The following P3H3 variants were observed in gnomAD, a reference collection of about 807,000 sequenced individuals.
The protein encoded by P3H3 is gene rich cluster, B.
P3H3 carries 64 observed loss-of-function variants against 78.1 expected under a neutral mutation model. That is an observed-to-expected ratio of 0.82 (90% CI 0.67 to 1.01). The LOEUF (loss-of-function observed/expected upper bound fraction) is 1.01, where lower values mean the gene tolerates loss of function less well. Ranked by LOEUF, P3H3 falls within the 50% of genes least tolerant of loss-of-function variation. P3H3 has a pLI of 0.00. For synonymous variants in P3H3, 425 were observed against 416.7 expected, an observed-to-expected ratio of 1.02 and a Z score of -0.24; for missense variants, 975 against 982.2, an observed-to-expected ratio of 0.99 and a Z score of 0.10.
chr12:6,828,817 C>G lies in P3H3; in HGVS notation c.377C>G (p.Thr126Ser), dbSNP rs1206837474. The stretch of plus-strand genomic sequence containing the variant: ...GCGCTCCGCCGCGCAGACTGCCTGA[C>G]CCAGTGCGCAGCACGGAGGCTGGGC... ...RAALRRADCL[T>S]QCAARRLGPG... Residue 126 changes from threonine to serine, a missense_variant, in exon 1 of 15, where the codon ACC (threonine) becomes AGC (serine). Transcript: ENST00000290510. 8 of 1,238,216 alleles carry G rather than the reference C, an allele frequency of 6.5e-6. No homozygotes were observed. The highest frequency in any genetic ancestry group is 8.1e-6 in the Non-Finnish European group (8 of 990,752). 76.7% of individuals were successfully genotyped at this position (1,238,216 alleles called of 1,614,324 possible). A position where few individuals can be genotyped will look rare whatever the true frequency, so the allele number is the denominator to read the frequency against.
At position 6,837,490 on chromosome 12, in the gene P3H3, G is replaced by C. The variant is rs11614219; in HGVS notation, c.1628G>C (p.Arg543Pro). Residue 543 changes from arginine (R) to proline (P), a missense_variant, in exon 11 of 15, where the codon CGG (arginine) becomes CCG (proline). Arg to Pro is a moderately radical substitution (Grantham distance 103). Coordinates refer to ENST00000290510, the MANE Select transcript of P3H3 (RefSeq NM_014262.5). Reference protein sequence around the residue: ...KLLLEVSERVRTLTQAYFSPE... With the variant: ...KLLLEVSERVPTLTQAYFSPE... ...CTTCTGGAGGTGAGCGAGCGGGTGC[G>C]GACCTTGACCCAGGCCTACTTCTCC... 2 of 1,611,486 alleles carry C rather than the reference G, an allele frequency of 1.2e-6. No homozygotes were observed. Among genetic ancestry groups the C allele is most frequent in the South Asian group, 2.2e-5 (2 of 90,482 alleles).
Position 6,831,295 on chromosome 12 carries a change from T to C in P3H3, c.1065T>C (p.Ala355=). The C allele has an allele frequency of 6.2e-7, 1 of 1,613,810 alleles. No individual in the cohort carries two copies. The highest frequency in any genetic ancestry group is 8.5e-7 in the Non-Finnish European group (1 of 1,179,832). The change falls in exon 5 of 15, where the codon GCT becomes GCC. Residue 355 remains alanine, a synonymous_variant. Transcript: ENST00000290510. The surrounding 1 kb of genome is among the most constrained non-coding windows in gnomAD (Gnocchi z 4.6). Reference sequence around the variant, plus strand: ...CGGAGGATGAGGCTGCCAAGAGGGCTCTGAACCAGTACCAGGCCCAGCTGG... The same window carrying C: ...CGGAGGATGAGGCTGCCAAGAGGGCCCTGAACCAGTACCAGGCCCAGCTGG... ...FYPEDEAAKR[A]LNQYQAQLGE...
chr12:6,839,673 A>G lies in P3H3; in HGVS notation c.*212A>G. On this transcript the variant is annotated 3_prime_UTR_variant, in exon 15 of 15. Coordinates refer to ENST00000290510, the MANE Select transcript of P3H3 (RefSeq NM_014262.5). ...AGCTCACCAGGCCTGGGGAGCTGGG[A>G]CGGGGCCCCGCTGCCGGACCTGCAG... 2 of 632,466 alleles carry G rather than the reference A, an allele frequency of 3.2e-6. No homozygotes were observed. Among genetic ancestry groups the G allele is most frequent in the Non-Finnish European group, 5.3e-6 (2 of 378,388 alleles). 39.2% of individuals were successfully genotyped at this position (632,466 alleles called of 1,614,324 possible). A position where few individuals can be genotyped will look rare whatever the true frequency, so the allele number is the denominator to read the frequency against.
Position 6,839,531 on chromosome 12 carries a change from C to G in P3H3, c.*70C>G, listed in dbSNP as rs377343377. On this transcript the variant is annotated 3_prime_UTR_variant, in exon 15 of 15. Coordinates refer to ENST00000290510, the MANE Select transcript of P3H3 (RefSeq NM_014262.5). The stretch of plus-strand genomic sequence containing the variant: ...AAGGCCATCTTGATGCCAGGACACA[C>G]AGGAAGCCCCTGTGTGACATCAGGA... 35 of 1,494,638 alleles carry G rather than the reference C, an allele frequency of 2.3e-5. No individual in the cohort carries two copies. The African/African-American group carries it at 4.5e-4, about 19-fold the overall frequency. The allele number at this position is 1,494,638 out of a possible 1,614,324, so 92.6% of individuals were successfully genotyped here.
At chr12:6,838,055 A>C (rs1943518791) in intron 13 of P3H3, 22 bp downstream of exon 13, 2 of 1,583,758 alleles carry the variant, frequency 1.3e-6, no homozygotes, top group Non-Finnish European at 1.7e-6. Context: ...GGGGGGTGTG[A>C]CGGTGTGACA....
intron 12 of P3H3, 27 bp from the exon 13 acceptor site, chr12:6,837,931 C>T: frequency 6.3e-7 from 1 of 1,595,468 alleles, no homozygotes; most frequent in Non-Finnish European, 8.5e-7. Flanking sequence ...TGGGGTCTCA[C>T]TGCCTCTTGC....
Position 6,828,742 on chromosome 12 carries a change from C to G in P3H3, c.302C>G (p.Ser101Cys), listed in dbSNP as rs1555120842. ...AVLLGAPEPD[S>C]GPGPTQGSWE... ...CTTCTCGGGGCCCCGGAGCCCGACT[C>G]CGGGCCGGGACCCACGCAGGGGTCC... Residue 101 changes from serine (S) to cysteine (C), a missense_variant, in exon 1 of 15, where the codon TCC becomes TGC. Coordinates refer to ENST00000290510, the MANE Select transcript of P3H3 (RefSeq NM_014262.5). The G allele has an allele frequency of 8.0e-6, 10 of 1,246,228 alleles. No homozygotes were observed. Among genetic ancestry groups the G allele is most frequent in the Non-Finnish European group, 2.0e-6 (2 of 995,844 alleles). The allele number at this position is 1,246,228 out of a possible 1,614,324, so 77.2% of individuals were successfully genotyped here.
In P3H3 at chr12:6,829,013, G is replaced by T; in HGVS notation, c.498+75G>T. 2.2e-6 allele frequency: 2 copies of T among 902,674 alleles called. No homozygotes were observed. The highest frequency in any genetic ancestry group is 2.9e-6 in the Non-Finnish European group (2 of 687,208). The allele number at this position is 902,674 out of a possible 1,614,324, so 55.9% of individuals were successfully genotyped here. The stretch of plus-strand genomic sequence containing the variant: ...CTGTCCTACTTTGCGTTGCCCAGGA[G>T]TAGGCGGAATGCTGTTGCCCGGGCC... On this transcript the variant is annotated intron_variant, in intron 1 of 14. Coordinates refer to ENST00000290510, the MANE Select transcript of P3H3 (RefSeq NM_014262.5). The surrounding 1 kb of genome is among the most constrained non-coding windows in gnomAD (Gnocchi z 5.1).
chr12:6,838,716 G>C (rs1378640691), intron 13 of P3H3, among the ~76,000 whole-genome samples: 1 of 152,102 alleles, frequency 6.6e-6, no homozygotes, highest in African/African-American at 2.4e-5. Flanking sequence ...TGGATTCAAA[G>C]GGCTGAGTGG....
intron 4 of P3H3, 178 bp downstream of exon 4, chr12:6,830,948 C>A (rs1324684018): frequency 1.1e-6 from 1 of 940,672 alleles, no homozygotes; most frequent in East Asian, 2.6e-5. Flanking sequence ...GTGACAAGCT[C>A]AGGAGATGGG....
At position 6,837,021 on chromosome 12, in the gene P3H3, G is replaced by A. The variant is rs782191585; in HGVS notation, c.1495G>A (p.Gly499Ser). 1.2e-6 allele frequency: 2 copies of A among 1,609,834 alleles called. No homozygotes were observed. Among genetic ancestry groups the A allele is most frequent in the Non-Finnish European group, 1.7e-6 (2 of 1,179,818 alleles). The change falls in exon 10 of 15, where the codon GGT becomes AGT. Residue 499 changes from glycine (G) to serine (S), a missense_variant. By Grantham distance (56) the Gly-to-Ser change is moderately conservative. Coordinates refer to ENST00000290510, the MANE Select transcript of P3H3 (RefSeq NM_014262.5). ...AGAGARSGYRGRRSPHTPHER... is the reference protein window; with the variant it reads ...AGAGARSGYRSRRSPHTPHER... ...GGCTGGAGCCAGGTCTGGCTATCGT[G>A]GTCGCCGCTCCCCTCACACCCCCCA... is the stretch of plus-strand genomic sequence containing the variant.
In P3H3 at chr12:6,833,573, C is replaced by T. The variant is rs782356763; in HGVS notation, c.1213-19C>T. 1.2e-6 allele frequency: 2 copies of T among 1,613,198 alleles called. No individual in the cohort carries two copies. The highest frequency in any genetic ancestry group is 3.3e-5 in the Admixed American group (2 of 60,026). On this transcript the variant is annotated intron_variant, in intron 6 of 14. Transcript: ENST00000290510. Reference sequence around the variant, plus strand: ...GGGCTGACCTTGGTGGGTGATGATGCTTTTCTGGACTGTCGCAGGACCCCT... The same window carrying T: ...GGGCTGACCTTGGTGGGTGATGATGTTTTTCTGGACTGTCGCAGGACCCCT...
In P3H3 at chr12:6,830,485, G is replaced by T; in HGVS notation, c.784G>T (p.Glu262Ter). The T allele has an allele frequency of 2.5e-6, 4 of 1,586,568 alleles. No individual in the cohort carries two copies. The highest frequency in any genetic ancestry group is 3.4e-6 in the Non-Finnish European group (4 of 1,167,380). ...CCGTGCTGACTGTGAGGGGCCTGAGGAGCAGCAGGGGGCTGAAGAAGAGGA... is the reference window on the plus strand; with the variant it reads ...CCGTGCTGACTGTGAGGGGCCTGAGTAGCAGCAGGGGGCTGAAGAAGAGGA... Reference protein sequence around the residue: ...SCRADCEGPEEQQGAEEEEDG... With the variant: ...SCRADCEGPE The change falls in exon 3 of 15, where the codon GAG becomes TAG. Residue 262 changes from glutamate to a stop codon, truncating the protein, a stop_gained. Coordinates refer to ENST00000290510, the MANE Select transcript of P3H3 (RefSeq NM_014262.5). LOFTEE classifies it high-confidence loss of function.
intron 9 of P3H3, 79 bp from the exon 10 acceptor site, chr12:6,836,906 G>A (rs1943503216): frequency 6.0e-6 from 6 of 1,006,880 alleles, no homozygotes; most frequent in Middle Eastern, 2.1e-4. Flanking sequence ...GAGCGGGAGG[G>A]CCGGAGGGAG....
intron 10 of P3H3, 21 bp downstream of exon 10, chr12:6,837,107 G>A: frequency 6.3e-7 from 1 of 1,583,568 alleles, no homozygotes; most frequent in Non-Finnish European, 8.6e-7. Context: ...GAGGCACCCG[G>A]GCCCGTCTGA....
intron 10 of P3H3, 149 bp downstream of exon 10, chr12:6,837,235 G>C: frequency 1.0e-6 from 1 of 1,001,632 alleles, no homozygotes; most frequent in East Asian, 2.6e-5. Flanking sequence ...GAAAAGGGAT[G>C]TTCTGAGAGC....
In P3H3 at chr12:6,831,896, G is replaced by A; in HGVS notation, c.1194G>A (p.Gly398=). Residue 398 remains glycine, a synonymous_variant, in exon 6 of 15, where the codon GGG becomes GGA. Coordinates refer to ENST00000290510, the MANE Select transcript of P3H3 (RefSeq NM_014262.5). This position sits in a 1 kb window ranked among gnomAD's most constrained non-coding sequence, Gnocchi z 4.6. The part of the protein sequence containing the change: ...RQLYYAMEHL[G]TSFKDPDPWT... ...TCTACTATGCCATGGAGCACCTGGG[G>A]ACCAGCTTCAAGGATCCTGTGAGTC... 3.7e-6 allele frequency: 6 copies of A among 1,603,236 alleles called. No homozygotes were observed. The highest frequency in any genetic ancestry group is 5.1e-6 in the Non-Finnish European group (6 of 1,172,690).
chr12:6,835,009 G>A (rs915738794), intron 9 of P3H3: 1 of 152,104 alleles, frequency 6.6e-6, no homozygotes, highest in African/African-American at 2.4e-5. Flanking sequence ...CTGGAGAGGT[G>A]GTATTTGAGC....
rs1243261762 is a variant in P3H3 at position 6,829,301 on chromosome 12, T to G, written c.498+363T>G. 4 of 244,560 alleles carry G rather than the reference T, an allele frequency of 1.6e-5. No individual in the cohort carries two copies. The highest frequency in any genetic ancestry group is 3.1e-5 in the Non-Finnish European group (4 of 129,646). The allele number at this position is 244,560 out of a possible 1,614,324, so 15.1% of individuals were successfully genotyped here. On this transcript the variant is annotated intron_variant, in intron 1 of 14. Coordinates refer to ENST00000290510, the MANE Select transcript of P3H3 (RefSeq NM_014262.5). This position sits in a 1 kb window ranked among gnomAD's most constrained non-coding sequence, Gnocchi z 5.1. The stretch of plus-strand genomic sequence containing the variant: ...CGTGGGTGTGTGTGTGTGTCGGGGG[T>G]GGTGGTGAGTGTGAACCTTCGCTTG...
Sources: allele counts gnomAD v4.1 joint callset (sites outside exome capture counted in the v4.1 genomes callset), GRCh38; gene constraint gnomAD v4.1.1; non-coding constraint Gnocchi (gnomAD v3.1); transcripts MANE v1.5; gene names NCBI Gene and HGNC (gene_info 2026-07-23, HGNC 2026-07-21).